MICALL2: variants seen among roughly 807,000 people sequenced by gnomAD.
The protein encoded by MICALL2 is MICAL-like protein 2.
In MICALL2, 111 loss-of-function variants were observed where a neutral mutation model predicts 91.1. The ratio of observed to expected loss-of-function variants is 1.22; its 90% confidence interval spans 1.04 to 1.43. MICALL2 has a LOEUF of 1.43. Ranked by LOEUF, MICALL2 falls within the 40% of genes most tolerant of loss-of-function variation. The probability of loss-of-function intolerance (pLI) is 0.00; values close to 1 mark genes in which losing one functional copy is unlikely to be tolerated. For missense variants in MICALL2, 1,556 were observed against 1,236.0 expected, an observed-to-expected ratio of 1.26 and a Z score of -3.88; for synonymous variants, 694 against 525.3, an observed-to-expected ratio of 1.32 and a Z score of -4.39.
chr7:1,452,444 C>T lies in MICALL2; in HGVS notation c.144-2156G>A, dbSNP rs1780869448. On this transcript the variant is annotated intron_variant, in intron 1 of 16. Transcript: ENST00000297508. This position sits in a 1 kb window ranked among gnomAD's most constrained non-coding sequence, Gnocchi z 6.2. ...CCCTCCCTCTCTCCCCGCCCCCAGC[C>T]CTTTGAAAGCTCAAGCTCTTCTGCA... Among the ~76,000 whole-genome samples the T allele has an allele frequency of 6.6e-6, 1 of 152,128 alleles. No homozygotes were observed. Among genetic ancestry groups the T allele is most frequent in the Admixed American group, 6.5e-5 (1 of 15,280 alleles).
intron 11 of MICALL2, 29 bp downstream of exon 11, chr7:1,438,260 C>A: frequency 6.3e-7 from 1 of 1,587,342 alleles, no homozygotes; most frequent in Non-Finnish European, 8.6e-7. Flanking sequence ...GAGGGCTGGG[C>A]CCCTGCCCGG....
At chr7:1,438,662 G>A (rs1562448516) in intron 10 of MICALL2, 178 bp downstream of exon 10, 2 of 1,432,462 alleles carry the variant, frequency 1.4e-6, no homozygotes, top group Non-Finnish European at 1.8e-6. Context: ...CTCTGAAACA[G>A]CTAGGGTCTC....
chr7:1,446,902 C>A, intron 4 of MICALL2, 74 bp from the exon 5 acceptor site: 1 of 1,038,914 alleles, frequency 9.6e-7, no homozygotes, highest in South Asian at 1.6e-5. Context: ...CCACAGGTGG[C>A]CGGAAGAGCC....
In MICALL2 at chr7:1,447,690, T is replaced by C; in HGVS notation, c.410A>G (p.Gln137Arg). The C allele has an allele frequency of 1.3e-6, 2 of 1,581,446 alleles. No homozygotes were observed. The highest frequency in any genetic ancestry group is 1.7e-6 in the Non-Finnish European group (2 of 1,164,582). Reference protein sequence around the residue: ...EEPSGKKAPVQAAKLPSPAPA... With the variant: ...EEPSGKKAPVRAAKLPSPAPA... ...GGCGGGCGAGGGCAGCTTGGCCGCCTGGACTGGAGCCTTCTTCCCTGACGG... is the reference window on the plus strand; with the variant it reads ...GGCGGGCGAGGGCAGCTTGGCCGCCCGGACTGGAGCCTTCTTCCCTGACGG... The change falls in exon 4 of 17, where the codon CAG becomes CGG. Residue 137 changes from glutamine (Q) to arginine (R), a missense_variant. Transcript: ENST00000297508.
intron 5 of MICALL2, among the ~76,000 whole-genome samples, chr7:1,446,257 GAGGGGGGAGGAGGGAGAGA>G (rs1780573375): frequency 3.6e-5 from 1 of 27,932 alleles, no homozygotes; most frequent in Non-Finnish European, 6.7e-5. Flanking sequence ...GGAGGGAGAG[GAGGGGGGAGGAGGGAGAGA>G]AGGGGGGAGG....
At chr7:1,459,112 C>G (rs1360496360) in intron 1 of MICALL2, 72 bp downstream of exon 1, 1 of 1,488,688 alleles carries the variant, frequency 6.7e-7, no homozygotes, top group African/African-American at 1.4e-5. Context: ...GCCGCCCGGG[C>G]CTCAGTTTCC....
chr7:1,440,577 C>CACCCATCCCT lies in MICALL2; in HGVS notation c.1805+4_1805+13dup, dbSNP rs1162106891. The CACCCATCCCT allele has an allele frequency of 1.9e-6, 3 of 1,605,130 alleles. No individual in the cohort carries two copies. The highest frequency in any genetic ancestry group is 3.3e-5 in the Admixed American group (2 of 59,900). ...GGTGTACCAGGCCCTGGGCCAGCCC[C>CACCCATCCCT]ACCCATCCCTAACCTCTCAGCTGGG... On this transcript the variant is annotated intron_variant, in intron 8 of 16. Transcript: ENST00000297508.
rs770510038 is a variant in MICALL2, at chr7:1,450,266, C to T, written c.166G>A (p.Glu56Lys). ...DLINFSALKK[E>K]NIYENNKLAF... ...AGTTTATTGTTTTCATAAATATTTT[C>T]CTTCTTGAGAGCACTGAAGTTTCTG... The change falls in exon 2 of 17, where the codon GAA becomes AAA. Residue 56 changes from glutamate (E) to lysine (K), a missense_variant. Transcript: ENST00000297508. The T allele has an allele frequency of 5.6e-6, 9 of 1,612,898 alleles. No individual in the cohort carries two copies. Among genetic ancestry groups the T allele is most frequent in the South Asian group, 4.4e-5 (4 of 91,086 alleles).
Position 1,437,534 on chromosome 7 carries a change from C to T in MICALL2, c.2476+1G>A, listed in dbSNP as rs1342838645. ...CCTTGGCTGGCGCGCGGGGGACGCACCGGGCTTGGCCATGAGCCGGCGCAG... is the reference window on the plus strand; with the variant it reads ...CCTTGGCTGGCGCGCGGGGGACGCATCGGGCTTGGCCATGAGCCGGCGCAG... On this transcript the variant is annotated splice_donor_variant, in intron 14 of 16. Coordinates refer to ENST00000297508, the MANE Select transcript of MICALL2 (RefSeq NM_182924.4). LOFTEE classifies it high-confidence loss of function. 2.6e-6 allele frequency: 4 copies of T among 1,523,590 alleles called. No individual in the cohort carries two copies. The highest frequency in any genetic ancestry group is 2.1e-5 in the Admixed American group (1 of 47,410). The allele number at this position is 1,523,590 out of a possible 1,614,324, so 94.4% of individuals were successfully genotyped here.
At chr7:1,448,910 C>CA in intron 2 of MICALL2, 149 bp from the exon 3 acceptor site, 1 of 880,870 alleles carries the variant, frequency 1.1e-6, no homozygotes, top group Non-Finnish European at 1.7e-6. Context: ...GCGTGGCCTC[C>CA]CGGCCTCAGC....
chr7:1,449,845 G>C (rs1476140376), intron 2 of MICALL2, among the ~76,000 whole-genome samples: 2 of 152,266 alleles, frequency 1.3e-5, no homozygotes, highest in African/African-American at 4.8e-5. Context: ...AGGGCCGGAA[G>C]GCAGGTCCCA....
In MICALL2 at chr7:1,445,179, C is replaced by T. The variant is rs763704997; in HGVS notation, c.891G>A (p.Arg297=). The T allele has an allele frequency of 6.3e-7, 1 of 1,589,402 alleles. No individual in the cohort carries two copies. The highest frequency in any genetic ancestry group is 8.6e-7 in the Non-Finnish European group (1 of 1,169,082). ...WEPAAGNSPA[R]ASVPAAPNPA... Reference sequence around the variant, plus strand: ...GGTTGGGTGCAGCTGGAACGGAAGCCCTGGCAGGCGAGTTGCCCGCAGCAG... The same window carrying T: ...GGTTGGGTGCAGCTGGAACGGAAGCTCTGGCAGGCGAGTTGCCCGCAGCAG... Residue 297 remains arginine (R), a synonymous_variant, in exon 6 of 17, where the codon AGG becomes AGA. Transcript: ENST00000297508.
intron 15 of MICALL2, among the ~76,000 whole-genome samples, chr7:1,435,637 G>A (rs752961692): frequency 3.9e-5 from 6 of 152,392 alleles, no homozygotes; most frequent in Middle Eastern, 6.8e-3. Flanking sequence ...GTGGACTTCA[G>A]GTGCCGACCC....
chr7:1,437,679 AC>A, intron 13 of MICALL2, 71 bp from the exon 14 acceptor site: 2 of 1,467,360 alleles, frequency 1.4e-6, no homozygotes, highest in Admixed American at 4.0e-5. Context: ...CCAGCCCGCA[AC>A]GAGGTCCTGG....
At chr7:1,436,185 T>A (rs1281502327) in intron 15 of MICALL2, among the ~76,000 whole-genome samples, 4 of 148,952 alleles carry the variant, frequency 2.7e-5, no homozygotes, top group Non-Finnish European at 6.0e-5. Flanking sequence ...AGGTCAGGAG[T>A]TCAAGACCAG....
intron 1 of MICALL2, among the ~76,000 whole-genome samples, chr7:1,456,747 G>A (rs1648349551): frequency 6.6e-6 from 1 of 152,094 alleles, no homozygotes; most frequent in Non-Finnish European, 1.5e-5. Flanking sequence ...CTCCAGCCTG[G>A]GCGACAGAGC....
chr7:1,434,507 A>AG lies in MICALL2; in HGVS notation c.*88dup, dbSNP rs777199750. 5.8e-6 allele frequency: 7 copies of AG among 1,203,614 alleles called. No homozygotes were observed. The African/African-American group carries it at 1.0e-4, about 18-fold the overall frequency. 74.6% of individuals were successfully genotyped at this position (1,203,614 alleles called of 1,614,324 possible). Reference sequence around the variant, plus strand: ...GGCCGAGCCCACGGCCCCGAGTACAAGTCCGGGTTCCGGGTCCGGGCCAAG... The same window carrying AG: ...GGCCGAGCCCACGGCCCCGAGTACAAGGTCCGGGTTCCGGGTCCGGGCCAAG... On this transcript the variant is annotated 3_prime_UTR_variant, in exon 17 of 17. Coordinates refer to ENST00000297508, the MANE Select transcript of MICALL2 (RefSeq NM_182924.4).
chr7:1,446,530 G>A (rs1465339647), intron 5 of MICALL2, 183 bp downstream of exon 5: 6 of 554,382 alleles, frequency 1.1e-5, no homozygotes, highest in African/African-American at 4.6e-5. Flanking sequence ...GGGAGAAGGG[G>A]AGGAGAGGGG....
chr7:1,447,954 TC>T, intron 3 of MICALL2, 189 bp from the exon 4 acceptor site: 1 of 434,244 alleles, frequency 2.3e-6, no homozygotes, highest in Non-Finnish European at 4.0e-6. Context: ...ACTCCTTCCC[TC>T]CCCACTCAGA....
Sources: gnomAD v4.1 joint callset for allele counts (sites outside exome capture counted in the v4.1 genomes callset) on GRCh38, gnomAD v4.1.1 for gene constraint, Gnocchi (gnomAD v3.1) non-coding constraint, MANE v1.5 for transcripts, NCBI Gene and HGNC (gene_info 2026-07-23, HGNC 2026-07-21) for gene names.